The following MCOLN1 variants were observed in gnomAD, a reference collection of about 807,000 sequenced individuals.
MCOLN1 encodes mucolipin TRP cation channel 1, also known as mucolipin-1.
Under a neutral mutation model 70.3 loss-of-function variants are expected in MCOLN1, and 50 were observed. The ratio of observed to expected loss-of-function variants is 0.71; its 90% CI spans 0.57 to 0.90. The LOEUF (loss-of-function observed/expected upper bound fraction) is 0.90. Ranked by LOEUF, MCOLN1 falls within the 40% of genes least tolerant of loss-of-function variation. The probability of loss-of-function intolerance (pLI) is 0.00; values close to 1 mark genes in which losing one functional copy is unlikely to be tolerated. For missense variants in MCOLN1, 598 were observed against 803.5 expected (o/e 0.74, Z 3.09); for synonymous variants, 366 against 341.0 (o/e 1.07, Z -0.81).
intron 13 of MCOLN1, 25 bp from the exon 14 acceptor site, chr19:7,533,734 C>T (rs1441042635): frequency 6.2e-7 from 1 of 1,614,162 alleles, no homozygotes; most frequent in Non-Finnish European, 8.5e-7. Flanking sequence ...AACTGACGCC[C>T]CTCTTCCCTG....
At position 7,527,581 on chromosome 19, in the gene MCOLN1, C is replaced by G. The variant is rs775690240; in HGVS notation, c.633C>G (p.Leu211=). The G allele has an allele frequency of 1.7e-5, 28 of 1,613,498 alleles. No individual in the cohort carries two copies. The highest frequency in any genetic ancestry group is 2.4e-5 in the Non-Finnish European group (28 of 1,179,500). ...CGCCCCCCAGCGACGATCTCACCCT[C>G]TTGGAAAGCAGCTCCAGTTACAAGA... ...PPPPPSDDLT[L]LESSSSYKNL... is the part of the protein sequence containing the mutation. Residue 211 remains leucine (L), a synonymous_variant, in exon 5 of 14, where the codon CTC becomes CTG. Transcript: ENST00000264079.
intron 12 of MCOLN1, among the ~76,000 whole-genome samples, chr19:7,533,053 C>CCCTT (rs1763924123): frequency 1.3e-5 from 2 of 152,234 alleles, no homozygotes; most frequent in African/African-American, 4.8e-5. Context: ...TGGGTACACC[C>CCCTT]CCTTTTCCCC....
intron 10 of MCOLN1, 67 bp from the exon 11 acceptor site, chr19:7,529,523 C>CCCGG: frequency 8.6e-7 from 1 of 1,156,288 alleles, no homozygotes; most frequent in Non-Finnish European, 1.2e-6. Flanking sequence ...CCACCCCCAT[C>CCCGG]TGGGTGCCCA....
intron 10 of MCOLN1, 79 bp from the exon 11 acceptor site, chr19:7,529,511 T>TGGGGGC: frequency 3.0e-5 from 11 of 370,398 alleles, no homozygotes; most frequent in Non-Finnish European, 5.0e-5. Flanking sequence ...GCCCCGCCCC[T>TGGGGGC]CCCACCCCCA....
At chr19:7,531,961 C>A (rs770293174) in intron 12 of MCOLN1, among the ~76,000 whole-genome samples, 1 of 152,198 alleles carries the variant, frequency 6.6e-6, no homozygotes, top group Non-Finnish European at 1.5e-5. Flanking sequence ...CCACTGTGCC[C>A]GGCCCAGGTT....
intron 12 of MCOLN1, among the ~76,000 whole-genome samples, chr19:7,531,716 G>A (rs1025730344): frequency 9.2e-5 from 14 of 151,972 alleles, no homozygotes; most frequent in African/African-American, 2.7e-4. Flanking sequence ...CACCCAGGCT[G>A]GAGTGCAGTG....
At chr19:7,530,556 C>A (rs1568400255) in intron 12 of MCOLN1, 55 bp downstream of exon 12, 3 of 1,499,542 alleles carry the variant, frequency 2.0e-6, no homozygotes, top group South Asian at 2.2e-5. Context: ...TGGAGTCTGC[C>A]ATGAGGGGGT....
chr19:7,531,503 G>A (rs2022652605), intron 12 of MCOLN1, among the ~76,000 whole-genome samples: 1 of 152,076 alleles, frequency 6.6e-6, no homozygotes, highest in Non-Finnish European at 1.5e-5. Flanking sequence ...ACCCAGCTAA[G>A]TCATACAGTT....
chr19:7,528,750 T>G lies in MCOLN1; in HGVS notation c.984+47T>G, dbSNP rs370618602. Reference sequence around the variant, plus strand: ...TGCTGGTGTCCTCCCCGCCTGGCCCTGGGGCGATAAAAGCCAGGGCTTTGA... The same window carrying G: ...TGCTGGTGTCCTCCCCGCCTGGCCCGGGGGCGATAAAAGCCAGGGCTTTGA... On this transcript the variant is annotated intron_variant, in intron 8 of 13. Transcript: ENST00000264079. The surrounding 1 kb of genome is among the most constrained non-coding windows in gnomAD (Gnocchi z 4.2). 4.3e-6 allele frequency: 7 copies of G among 1,614,050 alleles called. No individual in the cohort carries two copies. The highest frequency in any genetic ancestry group is 4.0e-5 in the African/African-American group (3 of 74,956).
intron 12 of MCOLN1, among the ~76,000 whole-genome samples, chr19:7,532,108 G>T (rs1378175206): frequency 6.6e-6 from 1 of 152,244 alleles, no homozygotes; most frequent in Non-Finnish European, 1.5e-5. Flanking sequence ...TCAGGGGACA[G>T]AGCAGGATGC....
In MCOLN1 at chr19:7,527,515, C is replaced by T. The variant is rs2022588783; in HGVS notation, c.572-5C>T. The stretch of plus-strand genomic sequence containing the variant: ...TGAGGCCCTTCCCTGACTCCCTGTC[C>T]TTAGACTGCATCCAGGTGGATCCCC... On this transcript the variant is annotated splice_region_variant and splice_polypyrimidine_tract_variant and intron_variant, in intron 4 of 13. Transcript: ENST00000264079. 1 of 1,419,234 alleles carries T rather than the reference C, an allele frequency of 7.0e-7. No individual in the cohort carries two copies. The highest frequency in any genetic ancestry group is 1.0e-6 in the Non-Finnish European group (1 of 1,001,904). 87.9% of individuals were successfully genotyped at this position (1,419,234 alleles called of 1,614,324 possible).
At chr19:7,523,958 C>A (rs2022531536) in intron 1 of MCOLN1, among the ~76,000 whole-genome samples, 1 of 151,894 alleles carries the variant, frequency 6.6e-6, no homozygotes, top group Non-Finnish European at 1.5e-5. Flanking sequence ...GTGATCCTCC[C>A]AACTCAGCCT....
rs1216464267 is a variant in MCOLN1, at chr19:7,524,611, C to A, written c.32-350C>A. ...TTCTGACATTCACCATGGACCAGCC[C>A]CTGTGATCAATGCTTCATAAGCATC... On this transcript the variant is annotated intron_variant, in intron 1 of 13. Transcript: ENST00000264079. The surrounding 1 kb of genome is among the most constrained non-coding windows in gnomAD (Gnocchi z 4.1). Among the ~76,000 whole-genome samples the A allele has an allele frequency of 1.3e-5, 2 of 152,146 alleles. No homozygotes were observed. Among genetic ancestry groups the A allele is most frequent in the Non-Finnish European group, 2.9e-5 (2 of 68,026 alleles).
intron 10 of MCOLN1, 79 bp from the exon 11 acceptor site, chr19:7,529,511 T>TGGGGGGC: frequency 1.1e-5 from 4 of 370,404 alleles, no homozygotes; most frequent in Non-Finnish European, 1.8e-5. Flanking sequence ...GCCCCGCCCC[T>TGGGGGGC]CCCACCCCCA....
chr19:7,527,723 G>A (rs1568399124), intron 5 of MCOLN1, 95 bp downstream of exon 5: 1 of 1,076,584 alleles, frequency 9.3e-7, no homozygotes, highest in Admixed American at 1.7e-5. Context: ...TGGGGACAGG[G>A]CCCCCCCGCC....
chr19:7,529,501 G>GACC, intron 10 of MCOLN1, 89 bp from the exon 11 acceptor site: 1 of 747,250 alleles, frequency 1.3e-6, no homozygotes, highest in Non-Finnish European at 2.3e-6. Flanking sequence ...CCTCGGCAAG[G>GACC]CCCCGCCCCT....
chr19:7,528,104 AC>A lies in MCOLN1; in HGVS notation c.778-52del. 6.3e-7 allele frequency: 1 copy of A among 1,591,170 alleles called. No homozygotes were observed. Among genetic ancestry groups the A allele is most frequent in the Non-Finnish European group, 8.6e-7 (1 of 1,159,312 alleles). ...GTCTGTCAGGCCACCTGTCATGTGG[AC>A]CTTGGGGCTTGGGGCTGCCAAGGTT... On this transcript the variant is annotated intron_variant, in intron 6 of 13. Transcript: ENST00000264079. This position sits in a 1 kb window ranked among gnomAD's most constrained non-coding sequence, Gnocchi z 4.2.
chr19:7,525,005 G>A lies in MCOLN1; in HGVS notation c.76G>A (p.Ala26Thr). Residue 26 changes from alanine (A) to threonine (T), a missense_variant, in exon 2 of 14, where the codon GCG becomes ACG. By Grantham distance (58) the Ala-to-Thr change is moderately conservative. Coordinates refer to ENST00000264079, the MANE Select transcript of MCOLN1 (RefSeq NM_020533.3). This position sits in a 1 kb window ranked among gnomAD's most constrained non-coding sequence, Gnocchi z 4.2. ...CCCCAACCCCGGGTATGGGACCCAG[G>A]CGGGGCCTTCACCGGCCCCTCCGAC... ...LTPNPGYGTQ[A>T]GPSPAPPTPP... The A allele has an allele frequency of 6.2e-7, 1 of 1,613,850 alleles. No individual in the cohort carries two copies. The highest frequency in any genetic ancestry group is 8.5e-7 in the Non-Finnish European group (1 of 1,179,968).
chr19:7,529,290 C>A, intron 10 of MCOLN1, 88 bp downstream of exon 10: 1 of 1,210,678 alleles, frequency 8.3e-7, no homozygotes, highest in Non-Finnish European at 1.2e-6. Flanking sequence ...TCACCAGCCC[C>A]GGCCAATGGC....
Sources: allele counts gnomAD v4.1 joint callset (sites outside exome capture counted in the v4.1 genomes callset), GRCh38; gene constraint gnomAD v4.1.1; non-coding constraint Gnocchi (gnomAD v3.1); transcripts MANE v1.5; gene names NCBI Gene and HGNC (gene_info 2026-07-23, HGNC 2026-07-21).